LMO7: variants seen among roughly 807,000 people sequenced by gnomAD.
LMO7 encodes LIM domain 7.
Under a neutral mutation model 206.5 loss-of-function variants are expected in LMO7, and 120 were observed. The observed-to-expected ratio is 0.58, with a 90% confidence interval of 0.50 to 0.68. LMO7 has a LOEUF of 0.68. Among genes scored for constraint, LMO7 ranks in the 30% least tolerant of loss-of-function variants. The probability of loss-of-function intolerance (pLI) is 0.00; values close to 1 mark genes in which losing one functional copy is unlikely to be tolerated. For synonymous variants in LMO7, 706 were observed against 681.5 expected, an observed-to-expected ratio of 1.04 and a Z score of -0.56; for missense variants, 1,959 against 1,957.9, an observed-to-expected ratio of 1.00 and a Z score of -0.01.
chr13:75,713,603 G>C (rs1489576647), intron 2 of LMO7, among the ~76,000 whole-genome samples: 1 of 152,180 alleles, frequency 6.6e-6, no homozygotes, highest in African/African-American at 2.4e-5. Context: ...GGGTAGAATT[G>C]CCTGGTTTGG....
chr13:75,718,128 G>A (rs2043710117), intron 2 of LMO7, among the ~76,000 whole-genome samples: 1 of 152,156 alleles, frequency 6.6e-6, no homozygotes, highest in Non-Finnish European at 1.5e-5. Context: ...GCCTTTTTAA[G>A]CATCATGGTT....
chr13:75,766,959 A>G (rs1329544951), intron 4 of LMO7, among the ~76,000 whole-genome samples: 1 of 152,134 alleles, frequency 6.6e-6, no homozygotes, highest in East Asian at 1.9e-4. Flanking sequence ...ATAAAAATGC[A>G]AAGCAAATCT....
At chr13:75,678,401 A>AT (rs1212691232) in intron 1 of LMO7, among the ~76,000 whole-genome samples, 1 of 152,102 alleles carries the variant, frequency 6.6e-6, no homozygotes. Flanking sequence ...AGTGATGAGC[A>AT]TTTTTTCATG....
chr13:75,823,256 A>G (rs1393470956), intron 14 of LMO7, among the ~76,000 whole-genome samples: 1 of 152,220 alleles, frequency 6.6e-6, no homozygotes, highest in Non-Finnish European at 1.5e-5. Flanking sequence ...ACATGTATAT[A>G]TGGCAATTTC....
rs201556143 is a variant in LMO7 at position 75,669,516 on chromosome 13, TC to T, written c.69+32791del. Among the ~76,000 whole-genome samples the T allele has an allele frequency of 1.0e-3, 157 of 152,166 alleles. 3 individuals are homozygous for T. In the East Asian group the frequency reaches 0.021, roughly 20 times the overall value. ...ATGCGAAGGTATGAGAGTATAGAAT[TC>T]TCTTTCAGGAAGTCTGGGTGATAAG... is the stretch of plus-strand genomic sequence containing the variant. On this transcript the variant is annotated intron_variant, in intron 1 of 30. Coordinates refer to ENST00000377534, the MANE Select transcript of LMO7 (RefSeq NM_001306080.2).
chr13:75,754,377 T>C (rs892649731), intron 3 of LMO7, among the ~76,000 whole-genome samples: 1 of 152,226 alleles, frequency 6.6e-6, no homozygotes, highest in African/African-American at 2.4e-5. Flanking sequence ...ATTGTATGGA[T>C]AGACCACAAC....
intron 10 of LMO7, 130 bp downstream of exon 10, chr13:75,808,329 A>G: frequency 9.2e-7 from 1 of 1,091,946 alleles, no homozygotes; most frequent in African/African-American, 1.6e-5. Context: ...ATCCCGTAAA[A>G]TTTAATTTGC....
chr13:75,672,067 T>C (rs1016508146), intron 1 of LMO7, among the ~76,000 whole-genome samples: 2 of 152,034 alleles, frequency 1.3e-5, no homozygotes, highest in Admixed American at 6.6e-5. Flanking sequence ...GCATCAGGAC[T>C]CCCTGCAGAT....
chr13:75,846,274 G>A (rs186406048), intron 26 of LMO7, among the ~76,000 whole-genome samples: 1 of 152,228 alleles, frequency 6.6e-6, no homozygotes, highest in Non-Finnish European at 1.5e-5. Context: ...TTTTTATTGG[G>A]ATTCACAGTT....
At chr13:75,649,120 A>G (rs1197732207) in intron 1 of LMO7, among the ~76,000 whole-genome samples, 1 of 152,222 alleles carries the variant, frequency 6.6e-6, no homozygotes, top group African/African-American at 2.4e-5. Context: ...CTAGTAGTCT[A>G]CTTAGTATGG....
chr13:75,804,831 C>T (rs1595141627), intron 8 of LMO7: 1 of 1,092,694 alleles, frequency 9.2e-7, no homozygotes, highest in Non-Finnish European at 1.1e-6. Context: ...ATGAGCCATG[C>T]CATGTAATGT....
At chr13:75,744,046 A>G (rs534858089) in intron 3 of LMO7, among the ~76,000 whole-genome samples, 27 of 152,332 alleles carry the variant, frequency 1.8e-4, no homozygotes, top group Middle Eastern at 3.4e-3. Context: ...AATACTTGAC[A>G]GTAAATATCT....
chr13:75,763,458 T>G (rs2048445789), intron 4 of LMO7, among the ~76,000 whole-genome samples: 1 of 152,208 alleles, frequency 6.6e-6, no homozygotes, highest in African/African-American at 2.4e-5. Context: ...AGACATAATT[T>G]ATGCATTTCT....
intron 4 of LMO7, among the ~76,000 whole-genome samples, chr13:75,782,323 CAT>C (rs2140347513): frequency 6.6e-6 from 1 of 152,322 alleles, no homozygotes; most frequent in Admixed American, 6.5e-5. Context: ...AAATGATCCT[CAT>C]ATGCTGTGAA....
chr13:75,754,640 G>A lies in LMO7; in HGVS notation c.211-6292G>A, dbSNP rs191198946. On this transcript the variant is annotated intron_variant, in intron 3 of 30. Coordinates refer to ENST00000377534, the MANE Select transcript of LMO7 (RefSeq NM_001306080.2). ...AGAGCCCTTATACTGACTGATAAGA[G>A]CTTGCTTAAATAGGAATGATGAATT... Among the ~76,000 whole-genome samples, 12 of 152,312 alleles carry A rather than the reference G, an allele frequency of 7.9e-5. No homozygotes were observed. The East Asian group carries it at 2.3e-3, about 29-fold the overall frequency.
chr13:75,647,971 A>G (rs1422033413), intron 1 of LMO7, among the ~76,000 whole-genome samples: 5 of 5,430 alleles, frequency 9.2e-4, no homozygotes, highest in African/African-American at 2.2e-3. Flanking sequence ...TTTTTTTTTG[A>G]GACAGGGTCT....
chr13:75,655,370 G>A (rs1355007746), intron 1 of LMO7, among the ~76,000 whole-genome samples: 2 of 152,058 alleles, frequency 1.3e-5, no homozygotes, highest in Non-Finnish European at 2.9e-5. Context: ...TTGGAAGCTT[G>A]TTGTATATTT....
intron 3 of LMO7, among the ~76,000 whole-genome samples, 192 bp downstream of exon 3, chr13:75,727,290 TTTTA>T (rs200348051): frequency 5.0e-4 from 76 of 151,960 alleles, no homozygotes; most frequent in African/African-American, 1.7e-3. Flanking sequence ...GCCTGGAGGC[TTTTA>T]TTTATTTATT....
At position 75,755,982 on chromosome 13, in the gene LMO7, A is replaced by G. The variant is rs139227865; in HGVS notation, c.211-4950A>G. 2.4e-3 allele frequency among the ~76,000 whole-genome samples: 360 copies of G among 152,346 alleles called. 2 individuals carry two copies. The highest frequency in any genetic ancestry group is 0.017 in the Middle Eastern group (5 of 294). On this transcript the variant is annotated intron_variant, in intron 3 of 30. Transcript: ENST00000377534. ...GGAATTGCTGCTTTTGAAAATTGTC[A>G]GTCTCTTTAGTAAGTAAATGATGCT...
Sources: allele counts gnomAD v4.1 joint callset (sites outside exome capture counted in the v4.1 genomes callset), GRCh38; gene constraint gnomAD v4.1.1; transcripts MANE v1.5; gene names NCBI Gene and HGNC (gene_info 2026-07-23, HGNC 2026-07-21).